The following MB21D2 variants were observed in gnomAD, a reference collection of about 807,000 sequenced individuals.
The protein encoded by MB21D2 is nucleotidyltransferase MB21D2.
In MB21D2, 9 loss-of-function variants were observed where a neutral mutation model predicts 33.3. That is an observed-to-expected ratio of 0.27 (90% CI 0.16 to 0.47). MB21D2 has a LOEUF of 0.47. Among genes scored for constraint, MB21D2 ranks in the 20% least tolerant of loss-of-function variants. The probability of loss-of-function intolerance (pLI) is 0.99; values close to 1 mark genes in which losing one functional copy is unlikely to be tolerated. For missense variants in MB21D2, 540 were observed against 624.6 expected, an observed-to-expected ratio of 0.86 and a Z score of 1.44; for synonymous variants, 241 against 236.3, an observed-to-expected ratio of 1.02 and a Z score of -0.18.
At chr3:192,880,373 C>T (rs1424881828) in intron 1 of MB21D2, among the ~76,000 whole-genome samples, 1 of 151,858 alleles carries the variant, frequency 6.6e-6, no homozygotes, top group Non-Finnish European at 1.5e-5. Flanking sequence ...AAATAAAATC[C>T]ACTGTTTCAG....
At chr3:192,885,653 A>C (rs1243695178) in intron 1 of MB21D2, among the ~76,000 whole-genome samples, 2 of 152,146 alleles carry the variant, frequency 1.3e-5, no homozygotes, top group Non-Finnish European at 2.9e-5. Flanking sequence ...TGCTGCCTAG[A>C]GAGGGACAGG....
intron 1 of MB21D2, among the ~76,000 whole-genome samples, chr3:192,808,085 C>CT: frequency 6.6e-6 from 1 of 152,246 alleles, no homozygotes. Flanking sequence ...TCTGGGCATT[C>CT]TCTTTTTGGC....
chr3:192,910,050 A>G (rs1223724207), intron 1 of MB21D2, among the ~76,000 whole-genome samples: 1 of 151,784 alleles, frequency 6.6e-6, no homozygotes, highest in African/African-American at 2.4e-5. Flanking sequence ...ATGACAATGT[A>G]GAACATGCAG....
chr3:192,873,689 G>C (rs1209837813), intron 1 of MB21D2, among the ~76,000 whole-genome samples: 1 of 152,028 alleles, frequency 6.6e-6, no homozygotes, highest in African/African-American at 2.4e-5. Flanking sequence ...GACTCTCTTA[G>C]TGCATTTCTT....
At chr3:192,907,148 G>T (rs1361238084) in intron 1 of MB21D2, among the ~76,000 whole-genome samples, 6 of 140,094 alleles carry the variant, frequency 4.3e-5, no homozygotes, top group Non-Finnish European at 3.2e-5. Flanking sequence ...TCACAGAAGG[G>T]CATAATTATG....
In MB21D2 at chr3:192,871,591, A is replaced by T. The variant is rs180737188; in HGVS notation, c.211+46039T>A. ...GCCTCGTTTGCAGAGTCAGGGAAGA[A>T]GGTCAAAGAATAAGGAAGGCAAAGC... is the stretch of plus-strand genomic sequence containing the variant. On this transcript the variant is annotated intron_variant, in intron 1 of 1. Transcript: ENST00000392452. Among the ~76,000 whole-genome samples the T allele has an allele frequency of 1.6e-3, 240 of 152,328 alleles. 1 individual carries two copies. In the Middle Eastern group the frequency reaches 0.017, roughly 11 times the overall value.
At chr3:192,831,686 T>C (rs1269881625) in intron 1 of MB21D2, among the ~76,000 whole-genome samples, 5 of 152,142 alleles carry the variant, frequency 3.3e-5, no homozygotes. Flanking sequence ...AGACAATCGA[T>C]TCTAAGGTGC....
intron 1 of MB21D2, among the ~76,000 whole-genome samples, chr3:192,816,258 T>A (rs1192741118): frequency 6.6e-6 from 1 of 151,966 alleles, no homozygotes; most frequent in African/African-American, 2.4e-5. Flanking sequence ...AGAAAGGTTA[T>A]TAAAGGACTC....
intron 1 of MB21D2, among the ~76,000 whole-genome samples, chr3:192,858,150 C>CA (rs886212262): frequency 6.6e-6 from 1 of 151,938 alleles, no homozygotes; most frequent in Admixed American, 6.6e-5. Context: ...AACAAACAAA[C>CA]AAAAAAGTGG....
At chr3:192,882,894 C>A (rs1191815263) in intron 1 of MB21D2, among the ~76,000 whole-genome samples, 1 of 152,060 alleles carries the variant, frequency 6.6e-6, no homozygotes, top group African/African-American at 2.4e-5. Flanking sequence ...ACCACCACAC[C>A]CAGCTAATTT....
intron 1 of MB21D2, among the ~76,000 whole-genome samples, chr3:192,889,897 C>G (rs1713811835): frequency 6.6e-6 from 1 of 151,194 alleles, no homozygotes; most frequent in Non-Finnish European, 1.5e-5. Flanking sequence ...CTTCGTTTAA[C>G]AAAATAAAAT....
intron 1 of MB21D2, among the ~76,000 whole-genome samples, chr3:192,871,187 C>A (rs1364499820): frequency 6.6e-6 from 1 of 152,154 alleles, no homozygotes; most frequent in Admixed American, 6.5e-5. Flanking sequence ...AATCCACTTT[C>A]CACCCACCCC....
At chr3:192,812,878 C>A (rs927969598) in intron 1 of MB21D2, among the ~76,000 whole-genome samples, 1 of 151,944 alleles carries the variant, frequency 6.6e-6, no homozygotes, top group Non-Finnish European at 1.5e-5. Context: ...TTGATGCATA[C>A]GTGGAGAACC....
At chr3:192,835,129 C>G (rs1712405885) in intron 1 of MB21D2, among the ~76,000 whole-genome samples, 1 of 135,362 alleles carries the variant, frequency 7.4e-6, no homozygotes, top group Non-Finnish European at 1.5e-5. Context: ...TTTTATTTGG[C>G]CAGGGATCTT....
chr3:192,876,515 G>A (rs747408077), intron 1 of MB21D2, among the ~76,000 whole-genome samples: 14 of 152,074 alleles, frequency 9.2e-5, no homozygotes, highest in East Asian at 1.9e-4. Context: ...CCATTCCACC[G>A]CTTCTCAACC....
At chr3:192,908,500 G>A (rs369769849) in intron 1 of MB21D2, among the ~76,000 whole-genome samples, 77 of 150,780 alleles carry the variant, frequency 5.1e-4, no homozygotes, top group African/African-American at 1.2e-3. Flanking sequence ...CTGGGTTCAC[G>A]CCATTCTCCT....
Position 192,908,570 on chromosome 3 carries a change from C to T in MB21D2, c.211+9060G>A, listed in dbSNP as rs561975534. Among the ~76,000 whole-genome samples the T allele has an allele frequency of 1.1e-4, 17 of 151,866 alleles. No homozygotes were observed. The South Asian group carries it at 1.9e-3, about 17-fold the overall frequency. On this transcript the variant is annotated intron_variant, in intron 1 of 1. Transcript: ENST00000392452. ...CTGGGATGACAGACGCCCACCACCA[C>T]GCCCAGCTAATGTTTCGTATTTTTT...
chr3:192,914,596 G>A (rs537276622), intron 1 of MB21D2, among the ~76,000 whole-genome samples: 358 of 152,198 alleles, frequency 2.4e-3, no homozygotes, highest in Non-Finnish European at 3.3e-3. Context: ...CCAGCCTTTC[G>A]CACAGTCTGG....
chr3:192,888,388 G>A lies in MB21D2; in HGVS notation c.211+29242C>T, dbSNP rs369853803. 2.0e-5 allele frequency among the ~76,000 whole-genome samples: 3 copies of A among 152,116 alleles called. No homozygotes were observed. In the East Asian group the frequency reaches 5.8e-4, roughly 29 times the overall value. On this transcript the variant is annotated intron_variant, in intron 1 of 1. Transcript: ENST00000392452. ...AGGTTAAACGCAGTATATCTTGGAA[G>A]CTCTAGTAAATTCCATTAAAGAAAT...
Sources: allele counts gnomAD v4.1 joint callset (sites outside exome capture counted in the v4.1 genomes callset), GRCh38; gene constraint gnomAD v4.1.1; transcripts MANE v1.5; gene names NCBI Gene and HGNC (gene_info 2026-07-23, HGNC 2026-07-21).